The following GTF2I variants were observed in gnomAD, a reference collection of about 807,000 sequenced individuals.
The protein encoded by GTF2I is general transcription factor IIi, also known as general transcription factor II-I.
In GTF2I, 12 loss-of-function variants were observed where a neutral mutation model predicts 67.6. The ratio of observed to expected loss-of-function variants is 0.18; its 90% confidence interval spans 0.11 to 0.29. The LOEUF (loss-of-function observed/expected upper bound fraction) is 0.29, where lower values mean the gene tolerates loss of function less well. Among genes scored for constraint, GTF2I ranks in the 10% least tolerant of loss-of-function variants. GTF2I has a pLI of 1.00. For synonymous variants in GTF2I, 149 were observed against 197.0 expected (o/e 0.76, Z 2.04); for missense variants, 271 against 580.1 (o/e 0.47, Z 5.47).
intron 1 of GTF2I, among the ~76,000 whole-genome samples, chr7:74,673,668 C>G (rs1292092236): frequency 1.3e-5 from 2 of 150,918 alleles, no homozygotes; most frequent in Non-Finnish European, 2.9e-5. Flanking sequence ...GATGAGCCAC[C>G]ACGCCCGGCC....
intron 12 of GTF2I, chr7:74,726,380 T>C (rs766426675): frequency 3.9e-5 from 6 of 152,196 alleles, no homozygotes; most frequent in African/African-American, 7.2e-5. Flanking sequence ...TTTTAAAAAG[T>C]ATATTTTCAG....
chr7:74,667,918 C>T (rs1657646699), intron 1 of GTF2I, among the ~76,000 whole-genome samples: 1 of 151,030 alleles, frequency 6.6e-6, no homozygotes, highest in South Asian at 2.1e-4. Context: ...ATGGCAACCT[C>T]CATCTCCCGG....
intron 1 of GTF2I, among the ~76,000 whole-genome samples, chr7:74,671,797 C>T (rs1805479492): frequency 6.6e-6 from 1 of 151,940 alleles, no homozygotes; most frequent in African/African-American, 2.4e-5. Flanking sequence ...GCCTGGGCAA[C>T]ATAGTGAGAC....
chr7:74,680,099 A>AAAAAAAAAAAAATATATATATATAT, intron 1 of GTF2I, among the ~76,000 whole-genome samples: 1 of 94,994 alleles, frequency 1.1e-5, no homozygotes, highest in African/African-American at 4.0e-5. Flanking sequence ...AAAAAAAAAA[A>AAAAAAAAAAAAATATATATATATAT]ATATATATAT....
rs1389273419 is a variant in GTF2I, at chr7:74,711,029, T to C, written c.686-3T>C. 5 of 1,498,336 alleles carry C rather than the reference T, an allele frequency of 3.3e-6. No individual in the cohort carries two copies. In the African/African-American group the frequency reaches 5.6e-5, roughly 17 times the overall value. The allele number at this position is 1,498,336 out of a possible 1,614,324, so 92.8% of individuals were successfully genotyped here. On this transcript the variant is annotated splice_polypyrimidine_tract_variant and splice_region_variant and intron_variant, in intron 8 of 34. Transcript: ENST00000573035. The stretch of plus-strand genomic sequence containing the variant: ...AATCATATCATTGCATTTGCTTTTC[T>C]AGGCATTTCCCTGGAAATGGCAGCT...
intron 5 of GTF2I, 26 bp downstream of exon 5, chr7:74,700,456 C>T (rs1355137488): frequency 9.3e-6 from 15 of 1,611,416 alleles, no homozygotes; most frequent in Non-Finnish European, 1.3e-5. Flanking sequence ...CCTTTGTACC[C>T]ATCAACAGTT....
chr7:74,690,667 G>C (rs1788201116), intron 2 of GTF2I, among the ~76,000 whole-genome samples: 1 of 152,172 alleles, frequency 6.6e-6, no homozygotes. Context: ...TCAGTGTTCA[G>C]TGCTTCGTCT....
chr7:74,732,285 A>G (rs1412677654), intron 14 of GTF2I, among the ~76,000 whole-genome samples, 194 bp from the exon 15 acceptor site: 1 of 151,780 alleles, frequency 6.6e-6, no homozygotes, highest in Non-Finnish European at 1.5e-5. Flanking sequence ...GAGGCAGGAG[A>G]ATGGCGTGAG....
chr7:74,689,996 C>G (rs1268078192), intron 2 of GTF2I, among the ~76,000 whole-genome samples: 1 of 151,902 alleles, frequency 6.6e-6, no homozygotes, highest in Non-Finnish European at 1.5e-5. Context: ...GGATTATAGG[C>G]TGAGGTCAGG....
At chr7:74,728,336 T>C (rs1313260562) in intron 12 of GTF2I, among the ~76,000 whole-genome samples, 15 of 151,646 alleles carry the variant, frequency 9.9e-5, no homozygotes, top group Non-Finnish European at 1.8e-4. Context: ...AAAAAAAAAC[T>C]ATTTACCCAA....
chr7:74,676,111 T>C (rs1360169889), intron 1 of GTF2I, among the ~76,000 whole-genome samples: 1 of 152,086 alleles, frequency 6.6e-6, no homozygotes, highest in African/African-American at 2.4e-5. Flanking sequence ...TTAGCAATTC[T>C]GTGATCTTGG....
At chr7:74,702,734 TTTC>T (rs1789981124) in intron 6 of GTF2I, among the ~76,000 whole-genome samples, 1 of 151,550 alleles carries the variant, frequency 6.6e-6, no homozygotes. Context: ...TCTTTCTTTC[TTTC>T]TTTTTTTTTT....
chr7:74,726,130 A>AAACTATT (rs587749791), intron 12 of GTF2I, among the ~76,000 whole-genome samples: 2,131 of 152,284 alleles, frequency 0.014, 59 homozygotes, highest in African/African-American at 0.049. Flanking sequence ...CTCAATGAAT[A>AAACTATT]GTCAGCTTAA....
intron 1 of GTF2I, among the ~76,000 whole-genome samples, chr7:74,669,224 G>GTTTTTTT (rs34714148): frequency 6.6e-5 from 5 of 75,452 alleles, no homozygotes; most frequent in Admixed American, 3.5e-4. Flanking sequence ...GACTAGTTTA[G>GTTTTTTT]TTTTTTTTTT....
chr7:74,721,643 A>G (rs1239638948), intron 12 of GTF2I, among the ~76,000 whole-genome samples: 2 of 152,122 alleles, frequency 1.3e-5, no homozygotes, highest in Non-Finnish European at 2.9e-5. Flanking sequence ...AGGAAGGTCA[A>G]GTGAGAACTT....
chr7:74,666,771 T>C (rs1554388683), intron 1 of GTF2I, among the ~76,000 whole-genome samples: 1 of 144,184 alleles, frequency 6.9e-6, no homozygotes, highest in African/African-American at 2.6e-5. Context: ...ATCGAGACCA[T>C]CATGGCTAAC....
chr7:74,702,895 G>A (rs1315790463), intron 6 of GTF2I, among the ~76,000 whole-genome samples: 2 of 151,914 alleles, frequency 1.3e-5, no homozygotes, highest in African/African-American at 2.4e-5. Context: ...ACCATACCCA[G>A]CTCATTTCTG....
intron 12 of GTF2I, among the ~76,000 whole-genome samples, chr7:74,719,241 A>G (rs963077378): frequency 5.3e-5 from 8 of 152,220 alleles, no homozygotes; most frequent in Non-Finnish European, 1.0e-4. Flanking sequence ...AACAGATTCT[A>G]TAATCTATTG....
intron 3 of GTF2I, among the ~76,000 whole-genome samples, chr7:74,694,551 C>T (rs1194579253): frequency 6.6e-6 from 1 of 152,122 alleles, no homozygotes; most frequent in Non-Finnish European, 1.5e-5. Context: ...CTCGCCATTG[C>T]ACTCCAGCCT....
Sources: gnomAD v4.1 joint callset for allele counts (sites outside exome capture counted in the v4.1 genomes callset) on GRCh38, gnomAD v4.1.1 for gene constraint, MANE v1.5 for transcripts, NCBI Gene and HGNC (gene_info 2026-07-23, HGNC 2026-07-21) for gene names.